The following ZNF850 variants were observed in gnomAD, a reference collection of about 807,000 sequenced individuals.
ZNF850 encodes putative zinc finger protein ENSP00000330994.
A neutral mutation model predicts 11.9 loss-of-function variants in ZNF850; 2 were observed. The ratio of observed to expected loss-of-function variants is 0.17; its 90% CI spans 0.07 to 0.53. The LOEUF is 0.53. Among genes scored for constraint, ZNF850 ranks in the 20% least tolerant of loss-of-function variants. The pLI is 0.94. For synonymous variants in ZNF850, 381 were observed against 443.0 expected, an observed-to-expected ratio of 0.86 and a Z score of 1.76; for missense variants, 1,014 against 1,316.4, an observed-to-expected ratio of 0.77 and a Z score of 3.55.
intron 4 of ZNF850, among the ~76,000 whole-genome samples, chr19:36,756,537 T>C (rs2040487521): frequency 6.6e-6 from 1 of 152,220 alleles, no homozygotes; most frequent in Non-Finnish European, 1.5e-5. Flanking sequence ...GATAGTTATA[T>C]AGTTACTATT....
chr19:36,762,045 C>CAA (rs374193379), intron 3 of ZNF850, among the ~76,000 whole-genome samples: 2,117 of 114,082 alleles, frequency 0.019, 57 homozygotes, highest in African/African-American at 0.051. Flanking sequence ...GACTTTGTCT[C>CAA]AAAAAAAAAA....
chr19:36,750,447 T>C lies in ZNF850; in HGVS notation c.593A>G (p.Lys198Arg), dbSNP rs1232102127. ...QETHTGEKLY[K>R]CKECGKAFHH... Reference sequence around the variant, plus strand: ...AAAGGCCTTCCCACACTCCTTACATTTATAGAGTTTTTCACCAGTATGGGT... The same window carrying C: ...AAAGGCCTTCCCACACTCCTTACATCTATAGAGTTTTTCACCAGTATGGGT... Residue 198 changes from lysine to arginine, a missense_variant, in exon 5 of 5, where the codon AAA becomes AGA. Physicochemically the swap from Lys to Arg is conservative, Grantham distance 26. Around this residue, in one of 2 missense-constraint regions of ZNF850, gnomAD observed 835 missense variants for 1,022.0 expected, o/e 0.82. Coordinates refer to ENST00000591344, the MANE Select transcript of ZNF850 (RefSeq NM_001193552.2). The C allele has an allele frequency of 6.5e-7, 1 of 1,536,582 alleles. No individual in the cohort carries two copies. Among genetic ancestry groups the C allele is most frequent in the East Asian group, 2.4e-5 (1 of 40,928 alleles).
chr19:36,755,099 C>T (rs776617693), intron 4 of ZNF850, among the ~76,000 whole-genome samples: 1 of 152,148 alleles, frequency 6.6e-6, no homozygotes, highest in African/African-American at 2.4e-5. Flanking sequence ...TGGTCTCATA[C>T]TGACCATGTA....
At chr19:36,752,826 T>G (rs745418596) in intron 4 of ZNF850, among the ~76,000 whole-genome samples, 5 of 152,044 alleles carry the variant, frequency 3.3e-5, no homozygotes, top group African/African-American at 1.2e-4. Flanking sequence ...TAAAGAAAAG[T>G]CAAAGAATTC....
At position 36,754,745 on chromosome 19, in the gene ZNF850, T is replaced by C. The variant is rs143779995; in HGVS notation, c.236-3941A>G. On this transcript the variant is annotated intron_variant, in intron 4 of 4. Coordinates refer to ENST00000591344, the MANE Select transcript of ZNF850 (RefSeq NM_001193552.2). ...TAATTTTTTGTATTTTTAGTAGAGA[T>C]GGGGTTTCACCATCTTGACCAGCCT... 7.0e-4 allele frequency among the ~76,000 whole-genome samples: 107 copies of C among 152,086 alleles called. 1 individual carries two copies. Among genetic ancestry groups the C allele is most frequent in the East Asian group, 1.2e-3 (6 of 5,154 alleles).
intron 2 of ZNF850, 59 bp downstream of exon 2, chr19:36,762,536 G>GAC: frequency 6.5e-7 from 1 of 1,536,288 alleles, no homozygotes; most frequent in Non-Finnish European, 8.7e-7. Context: ...ACAGTGAGCA[G>GAC]ACCAGCTAGG....
Position 36,748,187 on chromosome 19 carries a change from T to C in ZNF850, c.2853A>G (p.Lys951=). ...TKHHSIHTGE[K]PYECKTCGKS... ...TCCCACATGTCTTACATTCATAGGG[T>C]TTCTCGCCAGTGTGAATACTGTGAT... Residue 951 remains lysine (K), a synonymous_variant, in exon 5 of 5, where the codon AAA becomes AAG. Coordinates refer to ENST00000591344, the MANE Select transcript of ZNF850 (RefSeq NM_001193552.2). 4 of 1,553,602 alleles carry C rather than the reference T, an allele frequency of 2.6e-6. No individual in the cohort carries two copies. The highest frequency in any genetic ancestry group is 3.5e-6 in the Non-Finnish European group (4 of 1,152,158).
chr19:36,749,138 T>C lies in ZNF850; in HGVS notation c.1902A>G (p.Gln634=), dbSNP rs751513346. Residue 634 remains glutamine (Q), a synonymous_variant, in exon 5 of 5, where the codon CAA becomes CAG. Transcript: ENST00000591344. ...TCTCACCAGTATGGATTTGTTGATG[T>C]TGAGTAAGTCGTAAACGAAGTCTAA... ...KAFRLRLRLT[Q]HQQIHTGEKP... The C allele has an allele frequency of 2.5e-6, 4 of 1,604,080 alleles. No individual in the cohort carries two copies. The highest frequency in any genetic ancestry group is 3.4e-6 in the Non-Finnish European group (4 of 1,176,814).
chr19:36,751,698 C>CA (rs398038336), intron 4 of ZNF850, among the ~76,000 whole-genome samples: 3,059 of 15,750 alleles, frequency 0.19, 1,047 homozygotes, highest in African/African-American at 0.33. Flanking sequence ...GACTCCATCT[C>CA]AAAAAAAAAA....
intron 1 of ZNF850, among the ~76,000 whole-genome samples, chr19:36,769,666 C>A (rs1480267097): frequency 1.4e-4 from 22 of 152,052 alleles, no homozygotes. Context: ...GTTGAGAACC[C>A]CCAATGTGAA....
At position 36,753,536 on chromosome 19, in the gene ZNF850, T is replaced by C. The variant is rs1288704602; in HGVS notation, c.236-2732A>G. Among the ~76,000 whole-genome samples the C allele has an allele frequency of 2.1e-4, 32 of 149,030 alleles. No homozygotes were observed. In the Admixed American group the frequency reaches 2.2e-3, roughly 10 times the overall value. ...TGAGCCCGGAAAGTCAATGCTGCAA[T>C]GAGCTGTGGTCAAGCCACTGCACTC... On this transcript the variant is annotated intron_variant, in intron 4 of 4. Transcript: ENST00000591344.
chr19:36,751,235 A>G (rs1242044562), intron 4 of ZNF850, among the ~76,000 whole-genome samples: 1 of 151,994 alleles, frequency 6.6e-6, no homozygotes, highest in Admixed American at 6.6e-5. Context: ...TCCCAAAATG[A>G]GAGACAATCT....
intron 4 of ZNF850, among the ~76,000 whole-genome samples, chr19:36,760,608 TA>T (rs755191094): frequency 9.9e-5 from 15 of 152,034 alleles, no homozygotes; most frequent in Non-Finnish European, 1.9e-4. Context: ...CTCACACCTG[TA>T]ATCCTGGCAC....
intron 4 of ZNF850, among the ~76,000 whole-genome samples, chr19:36,756,464 A>G (rs2145961197): frequency 6.6e-6 from 1 of 152,286 alleles, no homozygotes; most frequent in South Asian, 2.1e-4. Flanking sequence ...TCTTTTTATA[A>G]AAATAGAATT....
At position 36,749,660 on chromosome 19, in the gene ZNF850, C is replaced by G; in HGVS notation, c.1380G>C (p.Ser460=). The part of the protein sequence containing the change: ...DCKECGKSFA[S]GSALLQHQRI... ...GCTGATGTTGAAGTAGTGCTGAGCCCGAAGCAAAAGATTTCCCACACTCCT... is the reference window on the plus strand; with the variant it reads ...GCTGATGTTGAAGTAGTGCTGAGCCGGAAGCAAAAGATTTCCCACACTCCT... Residue 460 remains serine (S), a synonymous_variant, in exon 5 of 5, where the codon TCG becomes TCC. Coordinates refer to ENST00000591344, the MANE Select transcript of ZNF850 (RefSeq NM_001193552.2). The G allele has an allele frequency of 6.9e-7, 1 of 1,451,908 alleles. No homozygotes were observed. The highest frequency in any genetic ancestry group is 9.1e-7 in the Non-Finnish European group (1 of 1,100,854). 89.9% of individuals were successfully genotyped at this position (1,451,908 alleles called of 1,614,324 possible).
Position 36,748,920 on chromosome 19 carries a change from C to T in ZNF850, c.2120G>A (p.Gly707Glu). 5 of 1,569,602 alleles carry T rather than the reference C, an allele frequency of 3.2e-6. No homozygotes were observed. The highest frequency in any genetic ancestry group is 4.3e-6 in the Non-Finnish European group (5 of 1,159,334). Residue 707 changes from glycine (G) to glutamate (E), a missense_variant, in exon 5 of 5, where the codon GGG (glycine) becomes GAG (glutamate). Gly to Glu is a moderately conservative substitution (Grantham distance 98, BLOSUM62 -2). Coordinates refer to ENST00000591344, the MANE Select transcript of ZNF850 (RefSeq NM_001193552.2). ...TCCTGAGCAGAAAGTAAAAGATTTC[C>T]CACATTCTTTACATTCATAAGGTTT... ...GEKPYECKEC[G>E]KSFTFCSGLI... is the part of the protein sequence containing the mutation.
At position 36,750,703 on chromosome 19, in the gene ZNF850, C is replaced by T. The variant is rs753823402; in HGVS notation, c.337G>A (p.Val113Met). The T allele has an allele frequency of 3.9e-6, 6 of 1,536,060 alleles. No homozygotes were observed. Among genetic ancestry groups the T allele is most frequent in the Non-Finnish European group, 5.2e-6 (6 of 1,146,934 alleles). The change falls in exon 5 of 5, where the codon GTG becomes ATG. Residue 113 changes from valine (V) to methionine (M), a missense_variant. Physicochemically the swap from Val to Met is conservative, Grantham distance 21 (BLOSUM62 1). Around this residue, in one of 2 missense-constraint regions of ZNF850, gnomAD observed 835 missense variants for 1,022.0 expected, o/e 0.82. Transcript: ENST00000591344. ...WVRMEKCHSL[V>M]GSSVRDDWEC... is the part of the protein sequence containing the mutation. ...CAGTCATCTCTGACACTGGAGCCCA[C>T]AAGGCTATGACATTTTTCCATTCTC...
chr19:36,752,980 T>C (rs1376342508), intron 4 of ZNF850, among the ~76,000 whole-genome samples: 1 of 152,058 alleles, frequency 6.6e-6, no homozygotes, highest in Non-Finnish European at 1.5e-5. Flanking sequence ...ATTTTAAAAG[T>C]TCTACGGGGC....
chr19:36,763,034 G>T (rs2040528712), intron 1 of ZNF850, among the ~76,000 whole-genome samples: 1 of 151,958 alleles, frequency 6.6e-6, no homozygotes, highest in Non-Finnish European at 1.5e-5. Flanking sequence ...GTGACTATAG[G>T]CGTGCACCAC....
Sources: allele counts gnomAD v4.1 joint callset (sites outside exome capture counted in the v4.1 genomes callset), GRCh38; gene constraint gnomAD v4.1.1; regional missense constraint gnomAD v4.1.1; transcripts MANE v1.5; gene names NCBI Gene and HGNC (gene_info 2026-07-23, HGNC 2026-07-21).